Variants in DHDDS observed in about 807,000 individuals in gnomAD.
The protein encoded by DHDDS is dehydrodolichyl diphosphate synthase subunit.
DHDDS carries 16 observed loss-of-function variants against 46.2 expected under a neutral mutation model. The observed-to-expected ratio is 0.35, with a 90% CI of 0.23 to 0.53. DHDDS has a LOEUF of 0.53. DHDDS is among the 20% of genes least tolerant of loss of function. The pLI is 0.94. For synonymous variants in DHDDS, 151 were observed against 163.1 expected, an observed-to-expected ratio of 0.93 and a Z score of 0.56; for missense variants, 340 against 423.7, an observed-to-expected ratio of 0.80 and a Z score of 1.73.
intron 3 of DHDDS, among the ~76,000 whole-genome samples, chr1:26,442,303 A>G (rs530747559): frequency 2.6e-5 from 4 of 152,230 alleles, no homozygotes; most frequent in African/African-American, 4.8e-5. Context: ...GCTGTGAGTA[A>G]TAACACCTTG....
chr1:26,457,740 G>T, intron 6 of DHDDS, 51 bp from the exon 7 acceptor site: 1 of 1,396,370 alleles, frequency 7.2e-7, no homozygotes, highest in South Asian at 1.2e-5. Flanking sequence ...ACTACAGAAA[G>T]AGAATACTAC....
chr1:26,433,021 C>T lies in DHDDS; in HGVS notation c.63+13C>T, dbSNP rs370926608. On this transcript the variant is annotated intron_variant, in intron 2 of 8. Coordinates refer to ENST00000236342, the MANE Select transcript of DHDDS (RefSeq NM_205861.3). ...CAACATCATAAAGGTGAGCAATGGC[C>T]CAGAGCACCGGTTGGCCTTCTGGTC... The T allele has an allele frequency of 5.0e-6, 8 of 1,613,950 alleles. No individual in the cohort carries two copies. The highest frequency in any genetic ancestry group is 5.9e-6 in the Non-Finnish European group (7 of 1,179,980).
chr1:26,467,655 G>A (rs1473678597), intron 8 of DHDDS: 1 of 233,596 alleles, frequency 4.3e-6, no homozygotes, highest in Admixed American at 4.6e-5. Flanking sequence ...CATGAAGACA[G>A]AGCAGTCAAG....
At chr1:26,438,089 T>C in intron 2 of DHDDS, 79 bp from the exon 3 acceptor site, 6 of 1,460,914 alleles carry the variant, frequency 4.1e-6, no homozygotes, top group Non-Finnish European at 5.8e-6. Flanking sequence ...AGCCCAAACA[T>C]ATCACCTTGG....
intron 8 of DHDDS, among the ~76,000 whole-genome samples, chr1:26,464,757 C>A (rs2075464630): frequency 6.6e-6 from 1 of 152,206 alleles, no homozygotes; most frequent in African/African-American, 2.4e-5. Context: ...TGTGCTCTTG[C>A]CCCATCACCC....
chr1:26,459,302 C>T lies in DHDDS; in HGVS notation c.658-735C>T, dbSNP rs192611472. 8.8e-5 allele frequency among the ~76,000 whole-genome samples: 12 copies of T among 135,642 alleles called. No homozygotes were observed. In the East Asian group the frequency reaches 2.1e-3, roughly 24 times the overall value. 89.0% of individuals were successfully genotyped at this position (135,642 alleles called of 152,430 possible). A position where few individuals can be genotyped will look rare whatever the true frequency, so the allele number is the denominator to read the frequency against. On this transcript the variant is annotated intron_variant, in intron 7 of 8. Coordinates refer to ENST00000236342, the MANE Select transcript of DHDDS (RefSeq NM_205861.3). Reference sequence around the variant, plus strand: ...TAGCATAAAAAGCCAAACAGGCTATCGGACAACTAGTTATCCCCCATGAGG... The same window carrying T: ...TAGCATAAAAAGCCAAACAGGCTATTGGACAACTAGTTATCCCCCATGAGG...
At chr1:26,468,747 C>A in intron 8 of DHDDS, 148 bp from the exon 9 acceptor site, 1 of 1,119,400 alleles carries the variant, frequency 8.9e-7, no homozygotes. Context: ...TGCATACCTA[C>A]TCCCAAGCCT....
At chr1:26,451,660 G>A (rs796166783) in intron 6 of DHDDS, among the ~76,000 whole-genome samples, 8 of 140,024 alleles carry the variant, frequency 5.7e-5, no homozygotes, top group African/African-American at 8.1e-5. Flanking sequence ...ACAGAGTCTC[G>A]CTCTGTCGCC....
intron 6 of DHDDS, among the ~76,000 whole-genome samples, chr1:26,454,471 A>T (rs1292718820): frequency 6.6e-6 from 1 of 152,050 alleles, no homozygotes; most frequent in African/African-American, 2.4e-5. Context: ...ACTGAAAATA[A>T]TTTTTTATTA....
At chr1:26,455,080 G>A (rs1056574135) in intron 6 of DHDDS, 2 of 852,884 alleles carry the variant, frequency 2.3e-6, no homozygotes, top group Non-Finnish European at 2.1e-6. Context: ...GCATACCCTT[G>A]ATGGCCTGGG....
intron 2 of DHDDS, among the ~76,000 whole-genome samples, chr1:26,437,180 C>A (rs1042105853): frequency 6.6e-6 from 1 of 151,318 alleles, no homozygotes; most frequent in South Asian, 2.1e-4. Context: ...AAAAAAAAAA[C>A]AGAACAAAAC....
At chr1:26,433,056 A>G (rs745405369) in intron 2 of DHDDS, 48 bp downstream of exon 2, 6 of 1,593,558 alleles carry the variant, frequency 3.8e-6, no homozygotes, top group South Asian at 1.1e-5. Flanking sequence ...CAGTTGGATA[A>G]TCTTATATAA....
At chr1:26,451,660 G>T (rs796166783) in intron 6 of DHDDS, among the ~76,000 whole-genome samples, 4 of 140,026 alleles carry the variant, frequency 2.9e-5, no homozygotes, top group Non-Finnish European at 3.0e-5. Context: ...ACAGAGTCTC[G>T]CTCTGTCGCC....
At chr1:26,439,545 G>A (rs1252306584) in intron 3 of DHDDS, among the ~76,000 whole-genome samples, 3 of 151,974 alleles carry the variant, frequency 2.0e-5, no homozygotes, top group East Asian at 1.9e-4. Flanking sequence ...TCACGTCACC[G>A]CAATCCAACC....
intron 2 of DHDDS, among the ~76,000 whole-genome samples, chr1:26,436,881 C>T (rs146104204): frequency 1.5e-3 from 230 of 152,170 alleles, no homozygotes; most frequent in African/African-American, 5.2e-3. Context: ...TTCTTAACCG[C>T]GTGACTGGGC....
chr1:26,461,982 T>C (rs1260517547), intron 8 of DHDDS, among the ~76,000 whole-genome samples: 4 of 152,148 alleles, frequency 2.6e-5, no homozygotes, highest in Non-Finnish European at 5.9e-5. Flanking sequence ...AAAATGTATC[T>C]TGTACATAAT....
intron 3 of DHDDS, among the ~76,000 whole-genome samples, chr1:26,439,968 A>G (rs2075202132): frequency 1.4e-5 from 2 of 147,264 alleles, no homozygotes; most frequent in Non-Finnish European, 2.9e-5. Flanking sequence ...GTGAAACCCC[A>G]TCTCTATTAA....
intron 8 of DHDDS, among the ~76,000 whole-genome samples, chr1:26,468,430 A>G (rs1367964854): frequency 6.6e-6 from 1 of 152,172 alleles, no homozygotes; most frequent in African/African-American, 2.4e-5. Context: ...AACTTGTAAA[A>G]TTGCTGTTTC....
chr1:26,468,236 C>T (rs1390327322), intron 8 of DHDDS, among the ~76,000 whole-genome samples: 2 of 151,948 alleles, frequency 1.3e-5, no homozygotes, highest in Non-Finnish European at 2.9e-5. Flanking sequence ...ATAGGGGGGT[C>T]ATTTGCTGGA....
Sources: allele counts gnomAD v4.1 joint callset (sites outside exome capture counted in the v4.1 genomes callset), GRCh38; gene constraint gnomAD v4.1.1; transcripts MANE v1.5; gene names NCBI Gene and HGNC (gene_info 2026-07-23, HGNC 2026-07-21).